Variants in ESRRG observed in about 807,000 individuals in gnomAD.
ESRRG encodes estrogen-related receptor gamma.
In ESRRG, 13 loss-of-function variants were observed where a neutral mutation model predicts 44.0. That is an observed-to-expected ratio of 0.30 (90% CI 0.19 to 0.47). The LOEUF is 0.47. ESRRG is among the 20% of genes least tolerant of loss of function. The pLI, the probability that ESRRG is intolerant of heterozygous loss-of-function variation, is 1.00. For synonymous variants in ESRRG, 215 were observed against 214.6 expected, an observed-to-expected ratio of 1.00 and a Z score of -0.02; for missense variants, 395 against 580.6, an observed-to-expected ratio of 0.68 and a Z score of 3.29.
At chr1:217,007,450 G>A (rs1035131189) in intron 1 of ESRRG, among the ~76,000 whole-genome samples, 2 of 152,278 alleles carry the variant, frequency 1.3e-5, no homozygotes, top group East Asian at 1.9e-4. Context: ...TTGAAACACT[G>A]TTATGGTGCT....
At chr1:216,951,607 A>C (rs1330619753) in intron 1 of ESRRG, among the ~76,000 whole-genome samples, 2 of 152,070 alleles carry the variant, frequency 1.3e-5, no homozygotes, top group African/African-American at 2.4e-5. Context: ...TCCAGTAGAA[A>C]TGAAAACTAA....
rs371223731 is a variant in ESRRG at position 216,568,138 on chromosome 1, C to G, written c.590-40G>C. 6 of 1,435,928 alleles carry G rather than the reference C, an allele frequency of 4.2e-6. No homozygotes were observed. In the African/African-American group the frequency reaches 8.4e-5, roughly 20 times the overall value. The allele number at this position is 1,435,928 out of a possible 1,614,324, so 88.9% of individuals were successfully genotyped here. A position where few individuals can be genotyped will look rare whatever the true frequency, so the allele number is the denominator to read the frequency against. ...AGGCACCGGCTTACTATTAAGGTAG[C>G]TATGTTTGAGACCAATCAAATACCT... On this transcript the variant is annotated intron_variant, in intron 3 of 6. Coordinates refer to ENST00000408911, the MANE Select transcript of ESRRG (RefSeq NM_001438.4).
intron 2 of ESRRG, among the ~76,000 whole-genome samples, chr1:216,836,712 A>G (rs981216665): frequency 6.6e-6 from 1 of 152,152 alleles, no homozygotes; most frequent in African/African-American, 2.4e-5. Context: ...CTCCACAATG[A>G]GTCGTGGCGG....
At chr1:216,843,273 A>G (rs1268720406) in intron 2 of ESRRG, among the ~76,000 whole-genome samples, 1 of 152,082 alleles carries the variant, frequency 6.6e-6, no homozygotes, top group Admixed American at 6.6e-5. Flanking sequence ...CAACATGGCA[A>G]GCAGGGAGTT....
chr1:217,053,465 A>AAAAC (rs1028599141), intron 1 of ESRRG, among the ~76,000 whole-genome samples: 1 of 145,514 alleles, frequency 6.9e-6, no homozygotes, highest in Non-Finnish European at 1.5e-5. Context: ...AAAGCCAAAA[A>AAAAC]AAAGAAAGAA....
At chr1:216,618,238 A>G (rs1349754142) in intron 3 of ESRRG, among the ~76,000 whole-genome samples, 3 of 152,256 alleles carry the variant, frequency 2.0e-5, no homozygotes, top group Non-Finnish European at 4.4e-5. Context: ...AAAAGAACAG[A>G]TATATTATGG....
At chr1:216,785,675 T>C (rs2094101915) in intron 2 of ESRRG, among the ~76,000 whole-genome samples, 1 of 151,928 alleles carries the variant, frequency 6.6e-6, no homozygotes, top group Non-Finnish European at 1.5e-5. Context: ...GGGTCTCCTT[T>C]AAAAAAAGAA....
chr1:216,893,657 A>G (rs1179683581), intron 2 of ESRRG, among the ~76,000 whole-genome samples: 1 of 152,148 alleles, frequency 6.6e-6, no homozygotes, highest in Non-Finnish European at 1.5e-5. Flanking sequence ...AGAAATGTAT[A>G]AGATGTAAAC....
rs1035256700 is a variant in ESRRG at position 217,080,629 on chromosome 1, GTTTT to G, written c.-106+8874_-106+8877del. On this transcript the variant is annotated intron_variant, in intron 1 of 7. Coordinates refer to the ESRRG transcript ENST00000359162. ...TTCTGGGTCCACTCCAGTTTCTAGT[GTTTT>G]TTTGTTTGTTTGTTTGTTTGTTTGT... Among the ~76,000 whole-genome samples, 8 of 132,760 alleles carry G rather than the reference GTTTT, an allele frequency of 6.0e-5. 1 individual carries two copies. Among genetic ancestry groups the G allele is most frequent in the African/African-American group, 2.2e-4 (8 of 35,888 alleles). 87.1% of individuals were successfully genotyped at this position (132,760 alleles called of 152,430 possible). A position where few individuals can be genotyped will look rare whatever the true frequency, so the allele number is the denominator to read the frequency against.
intron 1 of ESRRG, among the ~76,000 whole-genome samples, chr1:216,687,179 AAGAC>A (rs1300076324): frequency 2.0e-5 from 3 of 152,254 alleles, no homozygotes; most frequent in Non-Finnish European, 4.4e-5. Flanking sequence ...GGGCTACAAA[AAGAC>A]AGACAGAGAC....
chr1:217,034,594 A>T (rs2082563828), intron 1 of ESRRG, among the ~76,000 whole-genome samples: 3 of 152,172 alleles, frequency 2.0e-5, no homozygotes, highest in Admixed American at 6.5e-5. Flanking sequence ...CATCTAAACC[A>T]CTAGGGCAAT....
chr1:216,939,702 T>G (rs2064882284), intron 1 of ESRRG: 1 of 117,044 alleles, frequency 8.5e-6, no homozygotes, highest in African/African-American at 3.4e-5. Context: ...TGAGCAAGGA[T>G]CCAACCCAAA....
intron 6 of ESRRG, among the ~76,000 whole-genome samples, chr1:216,511,183 G>A (rs868112334): frequency 6.6e-6 from 1 of 152,074 alleles, no homozygotes; most frequent in Middle Eastern, 3.2e-3. Flanking sequence ...GGGTGAATGG[G>A]ACTCTCTCCA....
rs2064796355 is a variant in ESRRG, at chr1:216,939,364, A to AC, written c.-14+217_-14+218insG. On this transcript the variant is annotated intron_variant, in intron 2 of 7. Transcript: ENST00000359162. ...TAGACAAAAAAAAAAAAAAAAAAAA[A>AC]AAAAAACACTTTAAAGGCATTTAAA... Among the ~76,000 whole-genome samples, 7 of 133,788 alleles carry AC rather than the reference A, an allele frequency of 5.2e-5. 1 individual carries two copies. Among genetic ancestry groups the AC allele is most frequent in the East Asian group, 2.2e-4 (1 of 4,486 alleles). The allele number at this position is 133,788 out of a possible 152,430, so 87.8% of individuals were successfully genotyped here. A position where few individuals can be genotyped will look rare whatever the true frequency, so the allele number is the denominator to read the frequency against.
In ESRRG at chr1:217,082,403, T is replaced by G. The variant is rs539423173; in HGVS notation, c.-106+7104A>C. ...CCATCTTGAGAAGCAGATGCTTTTA[T>G]TATTCACATTTTTATAATTATAAAG... On this transcript the variant is annotated intron_variant, in intron 1 of 7. Transcript: ENST00000359162. Among the ~76,000 whole-genome samples, 5 of 152,360 alleles carry G rather than the reference T, an allele frequency of 3.3e-5. 1 individual carries two copies. The South Asian group carries it at 1.0e-3, about 32-fold the overall frequency.
intron 2 of ESRRG, among the ~76,000 whole-genome samples, chr1:216,934,664 G>A (rs1038343506): frequency 1.3e-5 from 2 of 152,118 alleles, no homozygotes; most frequent in Admixed American, 1.3e-4. Context: ...AGAATAGTAT[G>A]AGGGAAACCA....
At chr1:216,568,985 C>T (rs1325959532) in intron 3 of ESRRG, among the ~76,000 whole-genome samples, 2 of 151,588 alleles carry the variant, frequency 1.3e-5, no homozygotes, top group Non-Finnish European at 1.5e-5. Context: ...ACCCGGGAGG[C>T]GGAGGTTGCA....
intron 1 of ESRRG, among the ~76,000 whole-genome samples, chr1:217,108,802 A>T (rs1390728840): frequency 2.0e-5 from 3 of 152,124 alleles, no homozygotes; most frequent in Non-Finnish European, 4.4e-5. Flanking sequence ...ACCATGAGCC[A>T]ATTAAACCAT....
chr1:216,666,624 C>T (rs2073993919), intron 2 of ESRRG, among the ~76,000 whole-genome samples: 1 of 152,088 alleles, frequency 6.6e-6, no homozygotes, highest in Non-Finnish European at 1.5e-5. Flanking sequence ...CCTCCAGTAC[C>T]TTCATCAAAA....
Sources: gnomAD v4.1 joint callset for allele counts (sites outside exome capture counted in the v4.1 genomes callset) on GRCh38, gnomAD v4.1.1 for gene constraint, MANE v1.5 for transcripts, NCBI Gene and HGNC (gene_info 2026-07-23, HGNC 2026-07-21) for gene names.